Variants in TRPM2 observed in about 807,000 individuals in gnomAD.
TRPM2 encodes the protein transient receptor potential cation channel subfamily M member 2.
In TRPM2, 161 loss-of-function variants were observed where a neutral mutation model predicts 174.0. That is an observed-to-expected ratio of 0.93 (90% confidence interval 0.81 to 1.05). The LOEUF is 1.05. TRPM2 is among the 50% of genes least tolerant of loss of function. TRPM2 has a pLI of 0.00. For missense variants in TRPM2, 2,057 were observed against 2,038.0 expected (o/e 1.01, Z -0.18); for synonymous variants, 954 against 861.3 (o/e 1.11, Z -1.88).
intron 9 of TRPM2, among the ~76,000 whole-genome samples, chr21:44,386,050 T>A (rs1328807402): frequency 6.6e-6 from 1 of 152,070 alleles, no homozygotes; most frequent in East Asian, 1.9e-4. Context: ...AACTAAGAAA[T>A]GAATTCAGCA....
At chr21:44,374,464 T>C (rs1317935255) in intron 5 of TRPM2, among the ~76,000 whole-genome samples, 2 of 152,194 alleles carry the variant, frequency 1.3e-5, no homozygotes, top group Non-Finnish European at 1.5e-5. Context: ...ACTTTATTTC[T>C]ATTATTACAT....
intron 9 of TRPM2, among the ~76,000 whole-genome samples, chr21:44,389,340 A>G (rs1371443799): frequency 6.6e-6 from 1 of 152,118 alleles, no homozygotes; most frequent in Non-Finnish European, 1.5e-5. Flanking sequence ...GTTGGGGTGC[A>G]TTTAGGTTGT....
chr21:44,429,214 A>G (rs1287968950), intron 27 of TRPM2, among the ~76,000 whole-genome samples: 1 of 141,638 alleles, frequency 7.1e-6, no homozygotes, highest in Non-Finnish European at 1.5e-5. Context: ...TTTAAATAAT[A>G]TTTATTCCTC....
chr21:44,357,742 C>T (rs1004502967), intron 2 of TRPM2, among the ~76,000 whole-genome samples: 1 of 152,228 alleles, frequency 6.6e-6, no homozygotes, highest in African/African-American at 2.4e-5. Context: ...CGGCAAAGCA[C>T]TCCTAGCAGT....
chr21:44,435,347 T>A (rs2051203985), intron 28 of TRPM2, 130 bp downstream of exon 28: 2 of 929,384 alleles, frequency 2.2e-6, no homozygotes, highest in Non-Finnish European at 3.2e-6. Flanking sequence ...TGGTGCCTAC[T>A]GGGGGGATGC....
chr21:44,382,906 G>T, intron 9 of TRPM2, 86 bp downstream of exon 9: 1 of 1,331,012 alleles, frequency 7.5e-7, no homozygotes. Context: ...GAAGTGCCAT[G>T]ATTCTGGGAA....
chr21:44,426,967 C>G, intron 26 of TRPM2, 43 bp from the exon 27 acceptor site: 1 of 1,541,456 alleles, frequency 6.5e-7, no homozygotes, highest in Non-Finnish European at 8.8e-7. Flanking sequence ...TCTGTCCCAC[C>G]TGCAACACGG....
intron 8 of TRPM2, among the ~76,000 whole-genome samples, chr21:44,382,384 T>C (rs116704115): frequency 0.022 from 3,403 of 152,222 alleles, 125 homozygotes; most frequent in African/African-American, 0.076. Context: ...GACAGATAGA[T>C]AGGCAGGTAG....
rs370484005 is a variant in TRPM2 at position 44,405,624 on chromosome 21, C to T, written c.2658-281C>T. Among the ~76,000 whole-genome samples, 5 of 152,100 alleles carry T rather than the reference C, an allele frequency of 3.3e-5. No homozygotes were observed. The South Asian group carries it at 6.3e-4, about 19-fold the overall frequency. On this transcript the variant is annotated intron_variant, in intron 17 of 31. Coordinates refer to ENST00000397928, the MANE Select transcript of TRPM2 (RefSeq NM_003307.4). ...TGATGCTCTCGTGTCTCTGCGAGGC[C>T]GCGGCCCCCTTTCTCGGAGGCAATA...
rs2051415923 is a variant in TRPM2 at position 44,439,627 on chromosome 21, T to C, written c.4269+459T>C. 6.6e-6 allele frequency among the ~76,000 whole-genome samples: 1 copy of C among 152,154 alleles called. No homozygotes were observed. Among genetic ancestry groups the C allele is most frequent in the Non-Finnish European group, 1.5e-5 (1 of 68,012 alleles). On this transcript the variant is annotated intron_variant, in intron 30 of 31. Coordinates refer to ENST00000397928, the MANE Select transcript of TRPM2 (RefSeq NM_003307.4). The surrounding 1 kb of genome is among the most constrained non-coding windows in gnomAD (Gnocchi z 5.1). Reference sequence around the variant, plus strand: ...GCATGCCCAGCCTGGGGACCGACTGTACCAGGACTTTTTATTTACTTCTTT... The same window carrying C: ...GCATGCCCAGCCTGGGGACCGACTGCACCAGGACTTTTTATTTACTTCTTT...
Position 44,382,737 on chromosome 21 carries a change from G to C in TRPM2, c.1235G>C (p.Arg412Thr). 6.2e-7 allele frequency: 1 copy of C among 1,614,080 alleles called. No individual in the cohort carries two copies. Among genetic ancestry groups the C allele is most frequent in the Non-Finnish European group, 8.5e-7 (1 of 1,179,996 alleles). ...WTKKIQDIVR[R>T]RQLLTVFREG... ...TTGCAGATCCAAGATATCGTCCGGA[G>C]GCGGCAGCTGCTGACTGTCTTCCGG... is the stretch of plus-strand genomic sequence containing the variant. The change falls in exon 9 of 32, where the codon AGG becomes ACG. Residue 412 changes from arginine to threonine, a missense_variant. By Grantham distance (71) the Arg-to-Thr change is moderately conservative. Coordinates refer to ENST00000397928, the MANE Select transcript of TRPM2 (RefSeq NM_003307.4).
chr21:44,350,381 T>C (rs11910460), upstream of TRPM2: 146,563 of 147,622 alleles, frequency 0.99, 72,777 homozygotes, highest in Middle Eastern at 1. Flanking sequence ...AGGGCGCGGA[T>C]CGGGGTGCCG....
intron 11 of TRPM2, among the ~76,000 whole-genome samples, chr21:44,392,556 G>A (rs1026058768): frequency 2.0e-5 from 3 of 151,804 alleles, no homozygotes; most frequent in South Asian, 2.1e-4. Context: ...GTGAGCCTCC[G>A]CACCTGGCCT....
Position 44,354,632 on chromosome 21 carries a change from C to T in TRPM2, c.166-16C>T. 6.2e-7 allele frequency: 1 copy of T among 1,610,212 alleles called. No individual in the cohort carries two copies. Among genetic ancestry groups the T allele is most frequent in the Non-Finnish European group, 8.5e-7 (1 of 1,176,414 alleles). On this transcript the variant is annotated splice_polypyrimidine_tract_variant and intron_variant, in intron 1 of 31. Transcript: ENST00000397928. The surrounding 1 kb of genome is among the most constrained non-coding windows in gnomAD (Gnocchi z 4.3). The stretch of plus-strand genomic sequence containing the variant: ...TCGAATGTTGGAAGATCTCAGTGTG[C>T]TGTCTTTACCTTCAGCAAGAAAGCC...
chr21:44,351,322 T>A (rs2047923320), upstream of TRPM2, among the ~76,000 whole-genome samples: 1 of 152,236 alleles, frequency 6.6e-6, no homozygotes, highest in South Asian at 2.1e-4. Context: ...GCTCAGTGGC[T>A]AACCCTGAAG....
rs1365820229 is a variant in TRPM2, at chr21:44,426,719, C to T, written c.3855C>T (p.Ala1285=). ...FYTAERKDAA[A]MDPMGDTLEP... ...CGGCAGAGAGGAAGGACGCGGCCGC[C>T]ATGGACCCCATGGGAGAGTGAGTAT... The change falls in exon 26 of 32, where the codon GCC becomes GCT. Residue 1285 remains alanine (A), a synonymous_variant. Coordinates refer to ENST00000397928, the MANE Select transcript of TRPM2 (RefSeq NM_003307.4). 1.2e-6 allele frequency: 2 copies of T among 1,614,078 alleles called. No individual in the cohort carries two copies. The highest frequency in any genetic ancestry group is 1.3e-5 in the African/African-American group (1 of 75,046).
At chr21:44,361,217 C>T (rs994445502) in intron 2 of TRPM2, among the ~76,000 whole-genome samples, 1 of 152,098 alleles carries the variant, frequency 6.6e-6, no homozygotes, top group African/African-American at 2.4e-5. Flanking sequence ...CTTACTGCAA[C>T]CTCCGCCTCC....
At chr21:44,416,951 G>A (rs1340337342) in intron 20 of TRPM2, among the ~76,000 whole-genome samples, 1 of 128,938 alleles carries the variant, frequency 7.8e-6, no homozygotes, top group Non-Finnish European at 1.6e-5. Context: ...CATCACAGTG[G>A]GCACGTGGGC....
intron 5 of TRPM2, among the ~76,000 whole-genome samples, chr21:44,371,652 C>T (rs1421659146): frequency 6.6e-6 from 1 of 152,138 alleles, no homozygotes; most frequent in Non-Finnish European, 1.5e-5. Context: ...AGGGTGATGC[C>T]TTCATATCCA....
Sources: gnomAD v4.1 joint callset for allele counts (sites outside exome capture counted in the v4.1 genomes callset) on GRCh38, gnomAD v4.1.1 for gene constraint, Gnocchi (gnomAD v3.1) non-coding constraint, MANE v1.5 for transcripts, NCBI Gene and HGNC (gene_info 2026-07-23, HGNC 2026-07-21) for gene names.